Variants in ASPH observed in about 807,000 individuals in gnomAD.
The protein encoded by ASPH is aspartate beta-hydroxylase, also known as aspartyl/asparaginyl beta-hydroxylase.
Under a neutral mutation model 118.4 loss-of-function variants are expected in ASPH, and 100 were observed. The ratio of observed to expected loss-of-function variants is 0.84; its 90% CI spans 0.72 to 1.00. ASPH has a LOEUF of 1.00. ASPH is among the 50% of genes least tolerant of loss of function. The probability of loss-of-function intolerance (pLI) is 0.00; values close to 1 mark genes in which losing one functional copy is unlikely to be tolerated. For missense variants in ASPH, 920 were observed against 919.5 expected (o/e 1.00, Z -0.01); for synonymous variants, 315 against 325.6 (o/e 0.97, Z 0.35).
chr8:61,551,215 C>T (rs750684593), intron 20 of ASPH, among the ~76,000 whole-genome samples: 23 of 152,130 alleles, frequency 1.5e-4, no homozygotes, highest in African/African-American at 4.1e-4. Flanking sequence ...CCATACTAAA[C>T]GGACCACTTA....
At position 61,707,985 on chromosome 8, in the gene ASPH, C is replaced by T. The variant is rs944248734; in HGVS notation, c.103+6284G>A. On this transcript the variant is annotated intron_variant, in intron 1 of 24. Transcript: ENST00000379454. The stretch of plus-strand genomic sequence containing the variant: ...TGTGTGGATACATAATGTGTATGTG[C>T]TACATGTTATATATTATTTTGTGCA... 3.3e-5 allele frequency among the ~76,000 whole-genome samples: 5 copies of T among 152,056 alleles called. 1 individual carries two copies. Among genetic ancestry groups the T allele is most frequent in the Admixed American group, 3.3e-4 (5 of 15,266 alleles).
At chr8:61,660,589 G>A (rs531669461) in intron 3 of ASPH, 1 of 152,144 alleles carries the variant, frequency 6.6e-6, no homozygotes, top group East Asian at 1.9e-4. Context: ...TGAGAACACT[G>A]TTCAAGCACC....
chr8:61,638,058 CTT>C (rs1243575610), intron 11 of ASPH, 55 bp from the exon 12 acceptor site: 3 of 1,488,782 alleles, frequency 2.0e-6, no homozygotes, highest in Non-Finnish European at 2.8e-6. Context: ...AGTGACACAT[CTT>C]ACATTCACTC....
intron 14 of ASPH, among the ~76,000 whole-genome samples, chr8:61,589,095 G>C (rs1587736233): frequency 6.6e-6 from 1 of 152,228 alleles, no homozygotes; most frequent in East Asian, 1.9e-4. Context: ...TTCAGAGGCT[G>C]TGGTGGGAAA....
At chr8:61,679,045 A>C (rs973028098) in intron 3 of ASPH, among the ~76,000 whole-genome samples, 6 of 152,148 alleles carry the variant, frequency 3.9e-5, no homozygotes, top group Non-Finnish European at 8.8e-5. Context: ...TCAGTCATAA[A>C]ACTCAATTCA....
intron 19 of ASPH, among the ~76,000 whole-genome samples, chr8:61,554,804 C>CA (rs1827269131): frequency 6.6e-6 from 1 of 152,174 alleles, no homozygotes; most frequent in Non-Finnish European, 1.5e-5. Context: ...GTAATGCATT[C>CA]ACAGCTCAAT....
intron 16 of ASPH, among the ~76,000 whole-genome samples, chr8:61,567,877 G>C (rs1832268874): frequency 6.6e-6 from 1 of 152,210 alleles, no homozygotes; most frequent in Non-Finnish European, 1.5e-5. Flanking sequence ...GTGCTGGGTA[G>C]GAATGGTAAG....
intron 3 of ASPH, among the ~76,000 whole-genome samples, chr8:61,668,747 T>C (rs557846932): frequency 4.5e-4 from 69 of 152,326 alleles, no homozygotes; most frequent in Non-Finnish European, 8.2e-4. Flanking sequence ...CTTCCACCAG[T>C]TCGCACTGTC....
chr8:61,673,824 A>T (rs1823865708), intron 3 of ASPH, among the ~76,000 whole-genome samples: 2 of 152,126 alleles, frequency 1.3e-5, no homozygotes, highest in Admixed American at 1.3e-4. Flanking sequence ...TCTCTCTCAC[A>T]CACACACACA....
At chr8:61,536,175 G>A (rs1273228887) in intron 21 of ASPH, among the ~76,000 whole-genome samples, 1 of 151,960 alleles carries the variant, frequency 6.6e-6, no homozygotes, top group East Asian at 1.9e-4. Flanking sequence ...AAGTAGCTGG[G>A]ATTACAGGTG....
At chr8:61,525,678 C>T (rs1486705893) in intron 22 of ASPH, among the ~76,000 whole-genome samples, 1 of 152,180 alleles carries the variant, frequency 6.6e-6, no homozygotes, top group Non-Finnish European at 1.5e-5. Context: ...AGTAGGGTTA[C>T]AGTCAGTAAC....
At chr8:61,645,915 T>A (rs1167969636) in intron 6 of ASPH, among the ~76,000 whole-genome samples, 1 of 152,232 alleles carries the variant, frequency 6.6e-6, no homozygotes, top group Non-Finnish European at 1.5e-5. Context: ...GGACACACAA[T>A]GGCTCATGCC....
chr8:61,525,965 T>G lies in ASPH; in HGVS notation c.1900+12A>C. ...TGGGCTGCAGAGAACCATCTAGAAGTCAGAAACTCACCTTGCTGCCACAGC... is the reference window on the plus strand; with the variant it reads ...TGGGCTGCAGAGAACCATCTAGAAGGCAGAAACTCACCTTGCTGCCACAGC... On this transcript the variant is annotated intron_variant, in intron 22 of 24. Transcript: ENST00000379454. The G allele has an allele frequency of 6.2e-7, 1 of 1,613,406 alleles. No homozygotes were observed. Among genetic ancestry groups the G allele is most frequent in the Non-Finnish European group, 8.5e-7 (1 of 1,179,844 alleles).
chr8:61,562,926 T>C (rs765879686), intron 17 of ASPH, 46 bp from the exon 18 acceptor site: 2 of 1,510,766 alleles, frequency 1.3e-6, no homozygotes, highest in Non-Finnish European at 1.8e-6. Context: ...AAACAGATTA[T>C]GTACACTTTT....
At chr8:61,623,171 T>G (rs1237271636) in intron 13 of ASPH, among the ~76,000 whole-genome samples, 1 of 152,244 alleles carries the variant, frequency 6.6e-6, no homozygotes, top group Non-Finnish European at 1.5e-5. Context: ...ACACTCCCAC[T>G]AACAGTGCAT....
At chr8:61,504,482 C>A (rs936011614) in intron 24 of ASPH, among the ~76,000 whole-genome samples, 1 of 152,044 alleles carries the variant, frequency 6.6e-6, no homozygotes, top group South Asian at 2.1e-4. Context: ...GTTTTCTGTG[C>A]GAAAACTAGT....
chr8:61,608,539 T>C (rs1846282318), intron 14 of ASPH, among the ~76,000 whole-genome samples: 1 of 152,214 alleles, frequency 6.6e-6, no homozygotes, highest in African/African-American at 2.4e-5. Context: ...AGGTTCAGCT[T>C]TTCTCAAACG....
chr8:61,675,470 TG>T (rs761159935), intron 3 of ASPH: 85 of 984,062 alleles, frequency 8.6e-5, no homozygotes, highest in Non-Finnish European at 1.0e-4. Flanking sequence ...GGCAAAAACA[TG>T]GAGTTATTTT....
At chr8:61,523,491 C>T (rs1814031997) in intron 22 of ASPH, among the ~76,000 whole-genome samples, 1 of 151,450 alleles carries the variant, frequency 6.6e-6, no homozygotes, top group Non-Finnish European at 1.5e-5. Flanking sequence ...AATTTTTTGT[C>T]TTTTTGGCAG....
Sources: gnomAD v4.1 joint callset for allele counts (sites outside exome capture counted in the v4.1 genomes callset) on GRCh38, gnomAD v4.1.1 for gene constraint, MANE v1.5 for transcripts, NCBI Gene and HGNC (gene_info 2026-07-23, HGNC 2026-07-21) for gene names.